DOCK10: variants seen among roughly 807,000 people sequenced by gnomAD.
DOCK10 encodes dedicator of cytokinesis protein 10.
In DOCK10, 145 loss-of-function variants were observed where a neutral mutation model predicts 280.1. The ratio of observed to expected loss-of-function variants is 0.52; its 90% CI spans 0.45 to 0.59. The LOEUF (loss-of-function observed/expected upper bound fraction) is 0.59. Ranked by LOEUF, DOCK10 falls within the 20% of genes least tolerant of loss-of-function variation. The pLI, the probability that DOCK10 is intolerant of heterozygous loss-of-function variation, is 0.00. For synonymous variants in DOCK10, 915 were observed against 942.2 expected, an observed-to-expected ratio of 0.97 and a Z score of 0.53; for missense variants, 2,368 against 2,651.7, an observed-to-expected ratio of 0.89 and a Z score of 2.35.
intron 42 of DOCK10, 62 bp from the exon 43 acceptor site, chr2:224,797,208 C>T: frequency 2.4e-6 from 3 of 1,226,554 alleles, no homozygotes; most frequent in East Asian, 2.7e-5. Context: ...TGTTCATTCT[C>T]ATATTTTAAA....
intron 7 of DOCK10, among the ~76,000 whole-genome samples, chr2:224,881,329 G>T (rs1291303713): frequency 1.3e-5 from 2 of 152,014 alleles, no homozygotes; most frequent in Non-Finnish European, 2.9e-5. Context: ...TATTTTCAGA[G>T]TTTGCTCTTT....
At chr2:224,774,375 A>T (rs1416234668) in intron 52 of DOCK10, among the ~76,000 whole-genome samples, 3 of 152,174 alleles carry the variant, frequency 2.0e-5, no homozygotes, top group Admixed American at 6.5e-5. Context: ...CATTACCAGT[A>T]CCCAGAACAG....
intron 52 of DOCK10, among the ~76,000 whole-genome samples, chr2:224,774,183 G>C (rs1019882701): frequency 6.6e-6 from 1 of 152,136 alleles, no homozygotes; most frequent in East Asian, 1.9e-4. Context: ...CTCTCAAAGC[G>C]GGTTACTGAT....
chr2:224,998,471 C>T (rs1279331066), intron 1 of DOCK10, among the ~76,000 whole-genome samples: 1 of 152,062 alleles, frequency 6.6e-6, no homozygotes, highest in Non-Finnish European at 1.5e-5. Flanking sequence ...GGGAAGGTTT[C>T]CCTTCTCTGG....
At chr2:224,976,766 T>C (rs1382349704) in intron 1 of DOCK10, among the ~76,000 whole-genome samples, 1 of 151,890 alleles carries the variant, frequency 6.6e-6, no homozygotes, top group African/African-American at 2.4e-5. Flanking sequence ...CTGTAAATGG[T>C]CAGAATACTT....
At chr2:224,960,323 C>T (rs1031488998) in intron 1 of DOCK10, among the ~76,000 whole-genome samples, 1 of 152,136 alleles carries the variant, frequency 6.6e-6, no homozygotes, top group African/African-American at 2.4e-5. Flanking sequence ...AGGTCATTTT[C>T]TTTTTGTAAC....
intron 3 of DOCK10, among the ~76,000 whole-genome samples, chr2:224,902,863 G>A (rs952311487): frequency 6.6e-6 from 1 of 152,108 alleles, no homozygotes; most frequent in Non-Finnish European, 1.5e-5. Context: ...GGAGGCCAAC[G>A]CGGGCAGATC....
chr2:224,851,056 C>A (rs554105567), intron 18 of DOCK10, among the ~76,000 whole-genome samples: 2 of 152,296 alleles, frequency 1.3e-5, no homozygotes, highest in South Asian at 4.1e-4. Flanking sequence ...ACGCCAGCTT[C>A]CAGGATAGGG....
chr2:224,874,806 C>T, intron 8 of DOCK10, 55 bp from the exon 9 acceptor site: 1 of 1,502,580 alleles, frequency 6.7e-7, no homozygotes, highest in Non-Finnish European at 9.3e-7. Context: ...GTCACACATT[C>T]TTCTAGCCTG....
At chr2:224,919,655 T>G (rs1450301061) in intron 2 of DOCK10, among the ~76,000 whole-genome samples, 1 of 141,870 alleles carries the variant, frequency 7.0e-6, no homozygotes, top group Non-Finnish European at 1.6e-5. Flanking sequence ...TGTGTGTGTG[T>G]AGAGTGTGCG....
intron 51 of DOCK10, among the ~76,000 whole-genome samples, chr2:224,777,305 G>A (rs1414313476): frequency 6.6e-6 from 1 of 152,206 alleles, no homozygotes; most frequent in Non-Finnish European, 1.5e-5. Flanking sequence ...TCCTGGGTGT[G>A]TCCGTGAGGG....
At chr2:224,933,851 T>C (rs1240364135) in intron 1 of DOCK10, among the ~76,000 whole-genome samples, 1 of 152,232 alleles carries the variant, frequency 6.6e-6, no homozygotes, top group Non-Finnish European at 1.5e-5. Context: ...AGGACTTCTA[T>C]AATCGGGTTC....
intron 7 of DOCK10, among the ~76,000 whole-genome samples, chr2:224,877,903 A>C (rs1378398900): frequency 6.6e-6 from 1 of 152,184 alleles, no homozygotes; most frequent in Non-Finnish European, 1.5e-5. Context: ...TACTCCAGGC[A>C]ATTCCTATAC....
intron 4 of DOCK10, among the ~76,000 whole-genome samples, chr2:224,891,148 A>G (rs999988339): frequency 6.6e-6 from 1 of 152,232 alleles, no homozygotes; most frequent in Non-Finnish European, 1.5e-5. Flanking sequence ...ACAGCAAAAC[A>G]TGAAAGACAC....
At chr2:224,852,840 C>T in intron 17 of DOCK10, 95 bp downstream of exon 17, 3 of 1,084,812 alleles carry the variant, frequency 2.8e-6, no homozygotes. Context: ...AGAGTGTTGC[C>T]CCATAGTAAT....
rs1003419550 is a variant in DOCK10, at chr2:224,770,686, C to T, written c.6205-41G>A. On this transcript the variant is annotated intron_variant, in intron 53 of 55. Coordinates refer to ENST00000258390, the MANE Select transcript of DOCK10 (RefSeq NM_014689.3). This position sits in a 1 kb window ranked among gnomAD's most constrained non-coding sequence, Gnocchi z 4.5. ...TTGGTGAAGGATGATCTACCTTCTG[C>T]ATGGAGTCTTTTCCACCGCTGGAAG... 5 of 1,442,240 alleles carry T rather than the reference C, an allele frequency of 3.5e-6. No individual in the cohort carries two copies. The African/African-American group carries it at 4.2e-5, about 12-fold the overall frequency. The allele number at this position is 1,442,240 out of a possible 1,614,324, so 89.3% of individuals were successfully genotyped here. A position where few individuals can be genotyped will look rare whatever the true frequency, so the allele number is the denominator to read the frequency against.
At chr2:225,003,898 T>C (rs1575160146) in intron 1 of DOCK10, among the ~76,000 whole-genome samples, 2 of 152,336 alleles carry the variant, frequency 1.3e-5, no homozygotes, top group East Asian at 1.9e-4. Context: ...GGTCCAATCA[T>C]AATAGAGCTC....
At chr2:224,878,242 A>G (rs1330342988) in intron 7 of DOCK10, among the ~76,000 whole-genome samples, 2 of 152,200 alleles carry the variant, frequency 1.3e-5, no homozygotes, top group East Asian at 1.9e-4. Context: ...AAACACAACA[A>G]TTACTAAATA....
chr2:224,950,256 G>A lies in DOCK10; in HGVS notation c.124-18588C>T, dbSNP rs2126117840. Among the ~76,000 whole-genome samples the A allele has an allele frequency of 2.0e-5, 3 of 152,272 alleles. No individual in the cohort carries two copies. In the South Asian group the frequency reaches 6.2e-4, roughly 32 times the overall value. ...CAGAAACATAACCATACATTTCAGG[G>A]AAATTATAAAGATCTAGCAATTAAA... On this transcript the variant is annotated intron_variant, in intron 1 of 55. Coordinates refer to ENST00000258390, the MANE Select transcript of DOCK10 (RefSeq NM_014689.3).
Sources: gnomAD v4.1 joint callset for allele counts (sites outside exome capture counted in the v4.1 genomes callset) on GRCh38, gnomAD v4.1.1 for gene constraint, Gnocchi (gnomAD v3.1) non-coding constraint, MANE v1.5 for transcripts, NCBI Gene and HGNC (gene_info 2026-07-23, HGNC 2026-07-21) for gene names.